The following OSBP2 variants were observed in gnomAD, a reference collection of about 807,000 sequenced individuals.
OSBP2 encodes the protein oxysterol binding protein 2.
A neutral mutation model predicts 96.0 loss-of-function variants in OSBP2; 66 were observed. The observed-to-expected ratio is 0.69, with a 90% CI of 0.56 to 0.84. The LOEUF (loss-of-function observed/expected upper bound fraction) is 0.84. Among genes scored for constraint, OSBP2 ranks in the 40% least tolerant of loss-of-function variants. The pLI is 0.00. For missense variants in OSBP2, 1,038 were observed against 1,222.7 expected, an observed-to-expected ratio of 0.85 and a Z score of 2.25; for synonymous variants, 525 against 520.9, an observed-to-expected ratio of 1.01 and a Z score of -0.11.
At chr22:30,844,502 T>TAA in intron 2 of OSBP2, 1 of 157,492 alleles carries the variant, frequency 6.3e-6, no homozygotes, top group South Asian at 1.8e-4. Flanking sequence ...ATGGCTTATT[T>TAA]CCTTAAACCT....
chr22:30,743,429 A>G (rs538560284), intron 2 of OSBP2, among the ~76,000 whole-genome samples: 138 of 152,236 alleles, frequency 9.1e-4, no homozygotes, highest in Non-Finnish European at 1.7e-3. Context: ...TATGTCAGCA[A>G]TGATGCTGAG....
chr22:30,733,008 G>C (rs2089801906), intron 1 of OSBP2, among the ~76,000 whole-genome samples: 1 of 152,230 alleles, frequency 6.6e-6, no homozygotes, highest in African/African-American at 2.4e-5. Context: ...CCATGGTGCT[G>C]CTGGAGGCAC....
chr22:30,894,734 T>C (rs992809619), intron 12 of OSBP2, among the ~76,000 whole-genome samples: 1 of 152,216 alleles, frequency 6.6e-6, no homozygotes, highest in Non-Finnish European at 1.5e-5. Flanking sequence ...AGAGAGAAAC[T>C]ATTAAGCAGC....
intron 12 of OSBP2, among the ~76,000 whole-genome samples, chr22:30,896,296 A>G (rs1487027886): frequency 6.6e-6 from 1 of 152,188 alleles, no homozygotes; most frequent in African/African-American, 2.4e-5. Flanking sequence ...CTAGGATTAC[A>G]GGTGTGAGCC....
chr22:30,703,769 C>A (rs564053136), intron 1 of OSBP2, among the ~76,000 whole-genome samples: 7 of 152,180 alleles, frequency 4.6e-5, no homozygotes, highest in Non-Finnish European at 1.0e-4. Context: ...AGCCATCGTG[C>A]CTGGCCTGGC....
At chr22:30,805,723 G>C (rs956116163) in intron 2 of OSBP2, among the ~76,000 whole-genome samples, 3 of 152,318 alleles carry the variant, frequency 2.0e-5, no homozygotes, top group Non-Finnish European at 4.4e-5. Flanking sequence ...AGGTGGCCTA[G>C]GCCTGCTGGA....
intron 2 of OSBP2, among the ~76,000 whole-genome samples, chr22:30,841,844 C>A (rs145204940): frequency 1.1e-4 from 16 of 150,766 alleles, no homozygotes; most frequent in East Asian, 7.8e-4. Context: ...CCAAAAACAA[C>A]AAAAAAAAAT....
intron 2 of OSBP2, among the ~76,000 whole-genome samples, chr22:30,843,334 G>A (rs564517080): frequency 2.6e-5 from 4 of 152,016 alleles, no homozygotes; most frequent in African/African-American, 7.2e-5. Flanking sequence ...ATTCGTAGAC[G>A]CCCTGAAGCC....
rs191090393 is a variant in OSBP2, at chr22:30,870,448, C to T, written c.873C>T (p.Asp291=). 2.3e-5 allele frequency: 37 copies of T among 1,613,950 alleles called. No individual in the cohort carries two copies. Among genetic ancestry groups the T allele is most frequent in the Admixed American group, 1.5e-4 (9 of 60,026 alleles). ...NTHSDDSGDD[D]EATTPADKSE... ...CCACAGATGACTCTGGGGACGACGA[C>T]GAGGCTACCACCCCAGCCGACAAGA... The change falls in exon 3 of 14, where the codon GAC becomes GAT. Residue 291 remains aspartate (D), a synonymous_variant. Coordinates refer to ENST00000332585, the MANE Select transcript of OSBP2 (RefSeq NM_030758.4). The surrounding 1 kb of genome is among the most constrained non-coding windows in gnomAD (Gnocchi z 4.1).
intron 2 of OSBP2, among the ~76,000 whole-genome samples, chr22:30,832,266 G>A (rs2038537919): frequency 6.6e-6 from 1 of 151,854 alleles, no homozygotes; most frequent in Non-Finnish European, 1.5e-5. Flanking sequence ...TATGAACTAT[G>A]CAGTTAATTT....
chr22:30,815,232 A>G (rs1569135341), intron 2 of OSBP2, among the ~76,000 whole-genome samples: 2 of 152,194 alleles, frequency 1.3e-5, no homozygotes, highest in Non-Finnish European at 2.9e-5. Flanking sequence ...GCAGTGAGCT[A>G]TGATCATGCC....
intron 8 of OSBP2, 54 bp from the exon 9 acceptor site, chr22:30,893,067 GT>G: frequency 6.2e-7 from 1 of 1,600,990 alleles, no homozygotes; most frequent in Non-Finnish European, 8.5e-7. Flanking sequence ...GCTGGGGCAA[GT>G]GGAACCTGGG....
intron 12 of OSBP2, 145 bp from the exon 13 acceptor site, chr22:30,905,692 C>T: frequency 1.6e-6 from 2 of 1,269,732 alleles, no homozygotes; most frequent in Non-Finnish European, 2.1e-6. Context: ...CTGGGGTGGG[C>T]CCAAGGCCAG....
chr22:30,747,622 G>C (rs2145750134), intron 2 of OSBP2, among the ~76,000 whole-genome samples: 1 of 152,126 alleles, frequency 6.6e-6, no homozygotes, highest in East Asian at 1.9e-4. Context: ...CATTGGCGGT[G>C]CGGTAAGGCC....
intron 12 of OSBP2, among the ~76,000 whole-genome samples, chr22:30,898,621 G>A (rs568762758): frequency 6.6e-5 from 10 of 152,152 alleles, no homozygotes; most frequent in Admixed American, 6.5e-4. Flanking sequence ...AAAACCATCA[G>A]ATCTAGTGAG....
intron 1 of OSBP2, among the ~76,000 whole-genome samples, chr22:30,734,677 T>A (rs1405425308): frequency 5.3e-5 from 8 of 152,102 alleles, no homozygotes; most frequent in African/African-American, 1.7e-4. Context: ...CATTGAAAAA[T>A]TTTTAAAACT....
chr22:30,863,882 C>T (rs747745565), intron 2 of OSBP2, among the ~76,000 whole-genome samples: 3 of 152,226 alleles, frequency 2.0e-5, no homozygotes, highest in Admixed American at 1.3e-4. Context: ...TCTTTCTTTG[C>T]TCCCCTCAGG....
chr22:30,875,784 C>T (rs1481195143), intron 3 of OSBP2, among the ~76,000 whole-genome samples: 3 of 152,222 alleles, frequency 2.0e-5, no homozygotes, highest in Admixed American at 1.3e-4. Context: ...CTCAGGGCAA[C>T]CCCTCTCTCA....
At chr22:30,887,686 T>A in intron 4 of OSBP2, 68 bp downstream of exon 4, 1 of 1,343,380 alleles carries the variant, frequency 7.4e-7, no homozygotes, top group Non-Finnish European at 1.0e-6. Flanking sequence ...ACACAACTTC[T>A]GCGCCCCCAC....
Sources: gnomAD v4.1 joint callset for allele counts (sites outside exome capture counted in the v4.1 genomes callset) on GRCh38, gnomAD v4.1.1 for gene constraint, Gnocchi (gnomAD v3.1) non-coding constraint, MANE v1.5 for transcripts, NCBI Gene and HGNC (gene_info 2026-07-23, HGNC 2026-07-21) for gene names.